Variants in ENOX2 observed in about 807,000 individuals in gnomAD.
ENOX2 encodes the protein APK1 antigen.
In ENOX2, 36 loss-of-function variants were observed where a neutral mutation model predicts 45.0. The observed-to-expected ratio is 0.80, with a 90% confidence interval of 0.61 to 1.06. The LOEUF (loss-of-function observed/expected upper bound fraction) is 1.06. Ranked by LOEUF, ENOX2 falls within the 50% of genes least tolerant of loss-of-function variation. ENOX2 has a pLI of 0.00. For synonymous variants in ENOX2, 174 were observed against 152.3 expected (o/e 1.14, Z -1.05); for missense variants, 423 against 462.5 (o/e 0.91, Z 0.78).
intron 10 of ENOX2, chrX:130,645,933 C>A (rs2036222490): frequency 1.4e-6 from 1 of 701,450 alleles, no homozygotes; most frequent in African/African-American, 2.1e-5. Context: ...TAGCAGTCGT[C>A]CCAGCAATCA....
chrX:130,628,160 C>T, intron 13 of ENOX2, 117 bp from the exon 14 acceptor site: 1 of 511,993 alleles, frequency 2.0e-6, no homozygotes, highest in Non-Finnish European at 3.5e-6. Flanking sequence ...GGACACTATT[C>T]TAAGTTTACA....
chrX:130,743,655 T>C (rs2039035334), intron 3 of ENOX2, among the ~76,000 whole-genome samples: 1 of 109,546 alleles, frequency 9.1e-6, no homozygotes, highest in Non-Finnish European at 1.9e-5. Context: ...TTTTTTGGTA[T>C]TTTTAGTAGA....
intron 2 of ENOX2, among the ~76,000 whole-genome samples, chrX:130,830,566 C>T (rs1034934550): frequency 8.9e-6 from 1 of 112,139 alleles, no homozygotes; most frequent in African/African-American, 3.2e-5. Flanking sequence ...AAATCCCATC[C>T]TTTCTTGCTG....
intron 2 of ENOX2, among the ~76,000 whole-genome samples, chrX:130,830,360 T>C (rs1177013066): frequency 9.0e-6 from 1 of 111,583 alleles, no homozygotes. Context: ...AATATCTTCA[T>C]TGTTATCTTC....
At chrX:130,880,252 T>A (rs1465681053) in intron 2 of ENOX2, among the ~76,000 whole-genome samples, 1 of 111,747 alleles carries the variant, frequency 8.9e-6, no homozygotes, top group African/African-American at 3.2e-5. Flanking sequence ...AGAACTGGGA[T>A]CTAGGCAACA....
chrX:130,875,979 T>C (rs2078692705), intron 2 of ENOX2, among the ~76,000 whole-genome samples: 1 of 111,856 alleles, frequency 8.9e-6, no homozygotes, highest in African/African-American at 3.2e-5. Context: ...GTGGACAAAC[T>C]GGAATGCTTA....
intron 3 of ENOX2, among the ~76,000 whole-genome samples, chrX:130,738,755 C>T (rs2038915654): frequency 8.9e-6 from 1 of 112,229 alleles, no homozygotes; most frequent in African/African-American, 3.2e-5. Context: ...GCTGAAATAG[C>T]TCATGTCAGG....
intron 5 of ENOX2, among the ~76,000 whole-genome samples, chrX:130,685,255 A>G (rs983569466): frequency 2.7e-5 from 3 of 111,221 alleles, no homozygotes; most frequent in Non-Finnish European, 5.7e-5. Context: ...AGAGTAGGAG[A>G]TGAAGTCAAA....
At chrX:130,721,748 G>C (rs1489746682) in intron 3 of ENOX2, among the ~76,000 whole-genome samples, 6 of 112,005 alleles carry the variant, frequency 5.4e-5, no homozygotes, top group Non-Finnish European at 1.1e-4. Context: ...AGAGCTTCTG[G>C]TGACGTACTT....
intron 3 of ENOX2, among the ~76,000 whole-genome samples, chrX:130,774,159 G>A (rs1456065165): frequency 8.9e-6 from 1 of 112,120 alleles, no homozygotes; most frequent in Non-Finnish European, 1.9e-5. Flanking sequence ...GACACACTGT[G>A]TCACAGAATA....
At chrX:130,791,152 T>C (rs887938436) in intron 2 of ENOX2, among the ~76,000 whole-genome samples, 4 of 111,513 alleles carry the variant, frequency 3.6e-5, no homozygotes, top group Non-Finnish European at 7.5e-5. Context: ...AAAATACTAT[T>C]CTGGCTGTCC....
In ENOX2 at chrX:130,739,158, T is replaced by C. The variant is rs1181331128; in HGVS notation, c.-38-35904A>G. 6.2e-5 allele frequency among the ~76,000 whole-genome samples: 7 copies of C among 112,460 alleles called. No individual in the cohort carries two copies. In the Admixed American group the frequency reaches 6.6e-4, roughly 11 times the overall value. On this transcript the variant is annotated intron_variant, in intron 3 of 14. Coordinates refer to ENST00000394363, the MANE Select transcript of ENOX2 (RefSeq NM_006375.4). ...AAAGTGATATGCTCAGTGGAAACCA[T>C]ACTTTGAATTTTGAATTTTAATCTT...
At chrX:130,630,579 T>C (rs1164540664) in intron 13 of ENOX2, among the ~76,000 whole-genome samples, 4 of 111,691 alleles carry the variant, frequency 3.6e-5, no homozygotes, top group African/African-American at 1.3e-4. Context: ...AAACTCTGCA[T>C]ACCCCTTCCC....
At chrX:130,872,997 A>T (rs2078628533) in intron 2 of ENOX2, among the ~76,000 whole-genome samples, 1 of 112,241 alleles carries the variant, frequency 8.9e-6, no homozygotes, top group African/African-American at 3.2e-5. Flanking sequence ...CAAAGACTTC[A>T]TGAATAAAAC....
intron 2 of ENOX2, among the ~76,000 whole-genome samples, chrX:130,834,371 C>T (rs753394705): frequency 3.4e-4 from 38 of 111,262 alleles, no homozygotes; most frequent in African/African-American, 1.1e-3. Flanking sequence ...CACTGGGCTC[C>T]GGTTTCTGGT....
intron 3 of ENOX2, among the ~76,000 whole-genome samples, chrX:130,741,278 A>T (rs926795851): frequency 2.7e-5 from 3 of 111,041 alleles, no homozygotes; most frequent in Non-Finnish European, 5.7e-5. Flanking sequence ...TGTGGGGAAT[A>T]TATATATGCC....
At chrX:130,650,087 A>G (rs1203206403) in intron 10 of ENOX2, among the ~76,000 whole-genome samples, 1 of 112,264 alleles carries the variant, frequency 8.9e-6, no homozygotes, top group Non-Finnish European at 1.9e-5. Flanking sequence ...CAAAATAGTG[A>G]TATTTCATTT....
intron 2 of ENOX2, among the ~76,000 whole-genome samples, chrX:130,843,382 T>G (rs1395677905): frequency 8.9e-6 from 1 of 111,931 alleles, no homozygotes; most frequent in African/African-American, 3.3e-5. Flanking sequence ...CTGCCTCACA[T>G]GTCTTCCTGC....
intron 2 of ENOX2, among the ~76,000 whole-genome samples, chrX:130,839,590 A>G (rs2077980650): frequency 8.9e-6 from 1 of 111,879 alleles, no homozygotes; most frequent in South Asian, 3.7e-4. Flanking sequence ...TAATTTTAAA[A>G]CAGTTAATTA....
Sources: gnomAD v4.1 joint callset for allele counts (sites outside exome capture counted in the v4.1 genomes callset) on GRCh38, gnomAD v4.1.1 for gene constraint, MANE v1.5 for transcripts, NCBI Gene and HGNC (gene_info 2026-07-23, HGNC 2026-07-21) for gene names.